Variants in P4HA3 observed in about 807,000 individuals in gnomAD.
P4HA3 encodes prolyl 4-hydroxylase subunit alpha-3.
P4HA3 carries 60 observed loss-of-function variants against 66.7 expected under a neutral mutation model. The ratio of observed to expected loss-of-function variants is 0.90; its 90% CI spans 0.73 to 1.12. P4HA3 has a LOEUF of 1.12. Ranked by LOEUF, P4HA3 falls within the 50% of genes most tolerant of loss-of-function variation. The pLI, the probability that P4HA3 is intolerant of heterozygous loss-of-function variation, is 0.00. For missense variants in P4HA3, 683 were observed against 685.8 expected (o/e 1.00, Z 0.05); for synonymous variants, 263 against 274.6 (o/e 0.96, Z 0.42).
chr11:74,255,366 T>A (rs1293349532), intron 15 of P4HA3, among the ~76,000 whole-genome samples: 1 of 152,184 alleles, frequency 6.6e-6, no homozygotes, highest in Non-Finnish European at 1.5e-5. Flanking sequence ...TCTCTCACTT[T>A]GATCACTTCA....
At chr11:74,291,807 G>A (rs1481287979) in intron 4 of P4HA3, among the ~76,000 whole-genome samples, 1 of 152,102 alleles carries the variant, frequency 6.6e-6, no homozygotes, top group African/African-American at 2.4e-5. Context: ...ACTTGGTCAT[G>A]GTGGATAAGC....
intron 3 of P4HA3, 47 bp from the exon 4 acceptor site, chr11:74,298,408 G>T: frequency 6.4e-7 from 1 of 1,566,516 alleles, no homozygotes; most frequent in South Asian, 1.2e-5. Context: ...TCCACAGGTA[G>T]AAAAAGAAAA....
intron 15 of P4HA3, chr11:74,253,657 CT>C: frequency 1.2e-6 from 1 of 849,394 alleles, no homozygotes; most frequent in Non-Finnish European, 1.9e-6. Flanking sequence ...ATGTACCAAC[CT>C]TTTCATGTAT....
At chr11:74,296,938 T>C (rs1181475451) in intron 4 of P4HA3, among the ~76,000 whole-genome samples, 1 of 149,018 alleles carries the variant, frequency 6.7e-6, no homozygotes, top group Admixed American at 6.7e-5. Context: ...TTTTTTCTTT[T>C]TTTTTTTTTT....
At chr11:74,305,929 T>C (rs1013266010) in intron 1 of P4HA3, among the ~76,000 whole-genome samples, 1 of 152,104 alleles carries the variant, frequency 6.6e-6, no homozygotes, top group African/African-American at 2.4e-5. Context: ...CAATACCAGA[T>C]TTAAGAACAA....
chr11:74,294,346 G>A (rs1018758983), intron 4 of P4HA3, among the ~76,000 whole-genome samples: 6 of 152,016 alleles, frequency 3.9e-5, no homozygotes, highest in East Asian at 3.9e-4. Flanking sequence ...TTATCCATTC[G>A]TCTAATTTTT....
intron 3 of P4HA3, 54 bp from the exon 4 acceptor site, chr11:74,298,415 A>T: frequency 6.4e-7 from 1 of 1,563,822 alleles, no homozygotes; most frequent in Non-Finnish European, 8.7e-7. Flanking sequence ...GTAGAAAAAG[A>T]AAATGACAAT....
At chr11:74,272,451 G>A (rs1860238584) in intron 10 of P4HA3, among the ~76,000 whole-genome samples, 1 of 152,188 alleles carries the variant, frequency 6.6e-6, no homozygotes, top group Admixed American at 6.5e-5. Flanking sequence ...GTCAACCAGA[G>A]ATGCAACCAA....
Position 74,269,571 on chromosome 11 carries a change from G to A in P4HA3, c.1467+81C>T, listed in dbSNP as rs1004224864. 1.4e-4 allele frequency: 195 copies of A among 1,425,896 alleles called. No individual in the cohort carries two copies. Among genetic ancestry groups the A allele is most frequent in the Non-Finnish European group, 1.8e-4 (191 of 1,047,826 alleles). 88.3% of individuals were successfully genotyped at this position (1,425,896 alleles called of 1,614,324 possible). On this transcript the variant is annotated intron_variant, in intron 11 of 12. Coordinates refer to ENST00000331597, the MANE Select transcript of P4HA3 (RefSeq NM_182904.5). ...TGGCCCTCCTCCCAGGAATGGGCTT[G>A]CAAGCACAGACAGCGTGAAGGTTAG...
At chr11:74,281,715 G>C (rs1226127741) in intron 7 of P4HA3, among the ~76,000 whole-genome samples, 2 of 151,976 alleles carry the variant, frequency 1.3e-5, no homozygotes, top group East Asian at 3.9e-4. Flanking sequence ...CATACTCTGG[G>C]GACTGTTGTG....
chr11:74,272,208 A>G (rs1253431269), intron 10 of P4HA3, among the ~76,000 whole-genome samples: 1 of 87,554 alleles, frequency 1.1e-5, no homozygotes, highest in African/African-American at 5.6e-5. Context: ...ATGAGAGTGC[A>G]TGCACACACA....
intron 15 of P4HA3, chr11:74,250,876 T>C: frequency 6.3e-6 from 8 of 1,274,790 alleles, no homozygotes; most frequent in Non-Finnish European, 8.9e-6. Flanking sequence ...GGTCCTGGGC[T>C]CCTGGAATGA....
chr11:74,276,902 A>AG (rs1458764539), intron 9 of P4HA3, 83 bp downstream of exon 9: 1 of 1,337,738 alleles, frequency 7.5e-7, no homozygotes, highest in Non-Finnish European at 1.0e-6. Context: ...ATTCCCTGAG[A>AG]GCCTACAAGA....
chr11:74,265,942 A>G (rs137861400), downstream of P4HA3, among the ~76,000 whole-genome samples: 108 of 152,360 alleles, frequency 7.1e-4, 2 homozygotes, highest in East Asian at 0.018. Context: ...CAATCCTGAT[A>G]AGTGTTATGA....
intron 15 of P4HA3, among the ~76,000 whole-genome samples, chr11:74,258,043 C>T (rs1015206378): frequency 6.6e-5 from 10 of 152,174 alleles, no homozygotes; most frequent in African/African-American, 1.9e-4. Flanking sequence ...GAAAGCAAAA[C>T]GCAGTCACAC....
Position 74,286,344 on chromosome 11 carries a change from G to A in P4HA3, c.817C>T (p.Leu273Phe), listed in dbSNP as rs770160749. 1.9e-6 allele frequency: 3 copies of A among 1,588,942 alleles called. No homozygotes were observed. Among genetic ancestry groups the A allele is most frequent in the South Asian group, 1.1e-5 (1 of 87,136 alleles). ...MARNVLKYER[L>F]LAESPNHVVA... ...ACGTGGTTGGGGCTCTCTGCCAAGA[G>A]CCTTTCATATTTCAAGACATTCCTG... The change falls in exon 6 of 13, where the codon CTC becomes TTC. Residue 273 changes from leucine (L) to phenylalanine (F), a missense_variant. By Grantham distance (22) the Leu-to-Phe change is conservative (BLOSUM62 0). Transcript: ENST00000331597.
intron 5 of P4HA3, chr11:74,287,333 T>C (rs1398611252): frequency 7.8e-7 from 1 of 1,286,562 alleles, no homozygotes; most frequent in Admixed American, 2.3e-5. Flanking sequence ...TACCATTCTG[T>C]TTTAACAAGA....
At chr11:74,292,020 G>A (rs1423663988) in intron 4 of P4HA3, among the ~76,000 whole-genome samples, 1 of 152,118 alleles carries the variant, frequency 6.6e-6, no homozygotes, top group Non-Finnish European at 1.5e-5. Context: ...AGAAGGAATG[G>A]TACCAGCTCC....
chr11:74,270,727 C>T (rs947930095), intron 10 of P4HA3, among the ~76,000 whole-genome samples: 12 of 152,200 alleles, frequency 7.9e-5, no homozygotes, highest in African/African-American at 2.9e-4. Flanking sequence ...TAAAAGGTCA[C>T]ATGGCTCTTC....
Sources: allele counts gnomAD v4.1 joint callset (sites outside exome capture counted in the v4.1 genomes callset), GRCh38; gene constraint gnomAD v4.1.1; transcripts MANE v1.5; gene names NCBI Gene and HGNC (gene_info 2026-07-23, HGNC 2026-07-21).